Variants in PIGF observed in about 807,000 individuals in gnomAD.
PIGF encodes GPI ethanolamine phosphate transferase, stabilizing subunit.
In PIGF, 23 loss-of-function variants were observed where a neutral mutation model predicts 26.0. That is an observed-to-expected ratio of 0.88 (90% CI 0.64 to 1.25). PIGF has a LOEUF of 1.25. Among genes scored for constraint, PIGF ranks in the 50% most tolerant of loss-of-function variants. The pLI is 0.00. For synonymous variants in PIGF, 93 were observed against 92.6 expected, an observed-to-expected ratio of 1.00 and a Z score of -0.03; for missense variants, 278 against 249.9, an observed-to-expected ratio of 1.11 and a Z score of -0.76.
rs1399431118 is a variant in PIGF, at chr2:46,581,451, A to C, written c.*27T>G. The stretch of plus-strand genomic sequence containing the variant: ...TCTGCCCAGCCCTTACAGAATCTGC[A>C]CAAAGAAATATCTCCCTTTGCTCCA... On this transcript the variant is annotated 3_prime_UTR_variant, in exon 6 of 6. Transcript: ENST00000281382. The C allele has an allele frequency of 6.2e-7, 1 of 1,604,330 alleles. No homozygotes were observed. The highest frequency in any genetic ancestry group is 8.5e-7 in the Non-Finnish European group (1 of 1,175,670).
At chr2:46,586,053 C>T (rs962566581) in intron 5 of PIGF, among the ~76,000 whole-genome samples, 1 of 152,154 alleles carries the variant, frequency 6.6e-6, no homozygotes, top group Non-Finnish European at 1.5e-5. Flanking sequence ...GGATTACAGG[C>T]GTGAGCCACC....
At chr2:46,606,367 T>C (rs372356061) in intron 4 of PIGF, among the ~76,000 whole-genome samples, 113 of 152,294 alleles carry the variant, frequency 7.4e-4, no homozygotes, top group African/African-American at 2.4e-3. Flanking sequence ...CTGTACACAT[T>C]TTTTCACCTT....
chr2:46,614,606 T>C (rs772745048), intron 2 of PIGF: 36 of 162,630 alleles, frequency 2.2e-4, no homozygotes, highest in Admixed American at 4.3e-4. Context: ...ATAATAAAAA[T>C]AAACTGCAAT....
intron 4 of PIGF, among the ~76,000 whole-genome samples, chr2:46,597,413 TTTG>T (rs1194903555): frequency 2.0e-5 from 3 of 151,076 alleles, no homozygotes; most frequent in Non-Finnish European, 3.0e-5. Flanking sequence ...TGGGGGGTTT[TTTG>T]TTGTTTTTTT....
intron 3 of PIGF, 21 bp from the exon 4 acceptor site, chr2:46,612,365 CT>C: frequency 1.1e-6 from 1 of 927,592 alleles, no homozygotes; most frequent in Non-Finnish European, 1.6e-6. Flanking sequence ...AAAAAGATTA[CT>C]TTTTAAAAAA....
Position 46,588,037 on chromosome 2 carries a change from T to G in PIGF, c.546+4438A>C. ...GATGTGTACTCCTCCCCTCTCACAC[T>G]TGGACTTTCTAGTGTATAAAATGGG... On this transcript the variant is annotated intron_variant, in intron 5 of 5. Transcript: ENST00000281382. This position sits in a 1 kb window ranked among gnomAD's most constrained non-coding sequence, Gnocchi z 4.1. 2 of 1,498,718 alleles carry G rather than the reference T, an allele frequency of 1.3e-6. No individual in the cohort carries two copies. Among genetic ancestry groups the G allele is most frequent in the South Asian group, 2.6e-5 (2 of 76,478 alleles). 92.8% of individuals were successfully genotyped at this position (1,498,718 alleles called of 1,614,324 possible).
At chr2:46,613,943 C>G in intron 2 of PIGF, 158 bp from the exon 3 acceptor site, 1 of 607,918 alleles carries the variant, frequency 1.6e-6, no homozygotes, top group East Asian at 3.2e-5. Context: ...TGTACCGTCA[C>G]ATACACAGCC....
intron 4 of PIGF, among the ~76,000 whole-genome samples, chr2:46,610,198 C>A (rs1670367133): frequency 6.6e-6 from 1 of 152,134 alleles, no homozygotes; most frequent in Non-Finnish European, 1.5e-5. Context: ...GTGGTTTTTA[C>A]TGCCCATTTT....
In PIGF at chr2:46,581,924, A is replaced by AT. The variant is rs547692447; in HGVS notation, c.547-334dup. The AT allele has an allele frequency of 9.0e-3, 1,649 of 183,088 alleles. 5 individuals carry two copies. The highest frequency in any genetic ancestry group is 0.022 in the South Asian group (221 of 10,220). 11.3% of individuals were successfully genotyped at this position (183,088 alleles called of 1,614,324 possible). A position where few individuals can be genotyped will look rare whatever the true frequency, so the allele number is the denominator to read the frequency against. On this transcript the variant is annotated intron_variant, in intron 5 of 5. Transcript: ENST00000281382. ...ATTTAGCTCTCTGAACTAGTTGGTA[A>AT]TTTTTTTTTTTTAATTCCCACTTTG...
chr2:46,594,326 A>G (rs1669814672), intron 4 of PIGF, among the ~76,000 whole-genome samples: 2 of 152,230 alleles, frequency 1.3e-5, no homozygotes, highest in Admixed American at 1.3e-4. Flanking sequence ...GGTTGAGAGC[A>G]GAGATTACTT....
chr2:46,600,120 C>T (rs945639950), intron 4 of PIGF, among the ~76,000 whole-genome samples: 7 of 152,234 alleles, frequency 4.6e-5, no homozygotes, highest in Non-Finnish European at 1.0e-4. Context: ...AGGCTTACGC[C>T]TCCTCTTAGA....
chr2:46,602,566 C>A (rs996650676), intron 4 of PIGF, among the ~76,000 whole-genome samples: 1 of 151,672 alleles, frequency 6.6e-6, no homozygotes, highest in African/African-American at 2.4e-5. Context: ...ACTAAAAGGG[C>A]TGTCTTTAAG....
At chr2:46,609,134 T>C (rs2104129913) in intron 4 of PIGF, among the ~76,000 whole-genome samples, 1 of 152,372 alleles carries the variant, frequency 6.6e-6, no homozygotes, top group East Asian at 1.9e-4. Context: ...CAATCTTAGC[T>C]AGATCTTCTG....
Position 46,609,648 on chromosome 2 carries a change from A to G in PIGF, c.437+2580T>C, listed in dbSNP as rs188317453. On this transcript the variant is annotated intron_variant, in intron 4 of 5. Transcript: ENST00000281382. ...TTAAGAGACCATAGTATGGTTATTA[A>G]CTGGCCTAAATTTGATATTTTTGTA... 3.2e-3 allele frequency among the ~76,000 whole-genome samples: 494 copies of G among 152,178 alleles called. 2 individuals carry two copies. The highest frequency in any genetic ancestry group is 6.0e-3 in the Admixed American group (91 of 15,286).
chr2:46,594,877 T>C (rs1318681979), intron 4 of PIGF, among the ~76,000 whole-genome samples: 1 of 150,204 alleles, frequency 6.7e-6, no homozygotes, highest in African/African-American at 2.4e-5. Context: ...TGAGATGGAG[T>C]TTCGCTCTTG....
At chr2:46,599,885 G>C (rs550166135) in intron 4 of PIGF, among the ~76,000 whole-genome samples, 4 of 152,028 alleles carry the variant, frequency 2.6e-5, no homozygotes, top group Admixed American at 2.6e-4. Context: ...ACTTCACATG[G>C]GCACACATCC....
At chr2:46,598,800 T>C (rs1357921149) in intron 4 of PIGF, among the ~76,000 whole-genome samples, 1 of 152,170 alleles carries the variant, frequency 6.6e-6, no homozygotes, top group East Asian at 1.9e-4. Flanking sequence ...AACCACTGAA[T>C]TATACACTTT....
chr2:46,605,083 T>G (rs1670177049), intron 4 of PIGF, among the ~76,000 whole-genome samples: 1 of 152,050 alleles, frequency 6.6e-6, no homozygotes, highest in African/African-American at 2.4e-5. Flanking sequence ...TAACTAGTAA[T>G]TCTTTGTGAA....
At chr2:46,598,271 C>G (rs1669950351) in intron 4 of PIGF, among the ~76,000 whole-genome samples, 1 of 151,662 alleles carries the variant, frequency 6.6e-6, no homozygotes, top group Non-Finnish European at 1.5e-5. Context: ...TATACTGCCT[C>G]TATTTCCCCT....
Sources: allele counts gnomAD v4.1 joint callset (sites outside exome capture counted in the v4.1 genomes callset), GRCh38; gene constraint gnomAD v4.1.1; non-coding constraint Gnocchi (gnomAD v3.1); transcripts MANE v1.5; gene names NCBI Gene and HGNC (gene_info 2026-07-23, HGNC 2026-07-21).